Variants in FOXP1 observed in about 807,000 individuals in gnomAD.
FOXP1 encodes the protein forkhead box P1.
FOXP1 carries 15 observed loss-of-function variants against 98.2 expected under a neutral mutation model. That is an observed-to-expected ratio of 0.15 (90% CI 0.10 to 0.24). The LOEUF (loss-of-function observed/expected upper bound fraction) is 0.24, where lower values mean the gene tolerates loss of function less well. Ranked by LOEUF, FOXP1 falls within the 10% of genes least tolerant of loss-of-function variation. FOXP1 has a pLI of 1.00. For synonymous variants in FOXP1, 371 were observed against 314.5 expected, an observed-to-expected ratio of 1.18 and a Z score of -1.90; for missense variants, 633 against 848.5, an observed-to-expected ratio of 0.75 and a Z score of 3.15.
At chr3:71,155,259 C>T (rs2060764946) in intron 6 of FOXP1, among the ~76,000 whole-genome samples, 1 of 152,116 alleles carries the variant, frequency 6.6e-6, no homozygotes, top group African/African-American at 2.4e-5. Context: ...GCTCGGGTGC[C>T]CTCTGAAACA....
At chr3:71,181,057 A>G (rs1347462213) in intron 6 of FOXP1, among the ~76,000 whole-genome samples, 2 of 152,324 alleles carry the variant, frequency 1.3e-5, no homozygotes, top group East Asian at 3.9e-4. Flanking sequence ...TTGCCTGTCA[A>G]ATAAGAATTC....
intron 3 of FOXP1, among the ~76,000 whole-genome samples, chr3:71,411,245 CTTG>C (rs1245649790): frequency 6.6e-6 from 1 of 151,416 alleles, no homozygotes; most frequent in East Asian, 1.9e-4. Context: ...AGTGGACAAA[CTTG>C]TTGTGGACTT....
At chr3:71,110,007 C>T (rs913194327) in intron 7 of FOXP1, among the ~76,000 whole-genome samples, 3 of 152,160 alleles carry the variant, frequency 2.0e-5, no homozygotes, top group African/African-American at 7.2e-5. Context: ...ATTACCCCTT[C>T]TCCCCCTACT....
chr3:71,561,125 C>T (rs1220889228), intron 2 of FOXP1, among the ~76,000 whole-genome samples: 1 of 151,976 alleles, frequency 6.6e-6, no homozygotes, highest in South Asian at 2.1e-4. Context: ...GGCACGATCT[C>T]GGCTCACTGC....
At chr3:71,193,255 C>T (rs1278496102) in intron 6 of FOXP1, among the ~76,000 whole-genome samples, 1 of 129,714 alleles carries the variant, frequency 7.7e-6, no homozygotes, top group Admixed American at 7.7e-5. Context: ...TCACGCCATT[C>T]TCCTACCTCA....
chr3:71,305,018 A>G (rs2074157726), intron 4 of FOXP1, among the ~76,000 whole-genome samples: 1 of 152,162 alleles, frequency 6.6e-6, no homozygotes, highest in Non-Finnish European at 1.5e-5. Context: ...GTGGCAACTT[A>G]TTTTTGAAAT....
chr3:70,989,719 G>A (rs1448079895), intron 13 of FOXP1, among the ~76,000 whole-genome samples: 1 of 152,104 alleles, frequency 6.6e-6, no homozygotes. Flanking sequence ...AAAACAAGCA[G>A]TAGTCTGTCA....
At chr3:71,252,185 T>C (rs1452492999) in intron 5 of FOXP1, among the ~76,000 whole-genome samples, 1 of 152,194 alleles carries the variant, frequency 6.6e-6, no homozygotes, top group African/African-American at 2.4e-5. Context: ...AATGCAACCA[T>C]GTAGGAAAGT....
intron 5 of FOXP1, among the ~76,000 whole-genome samples, chr3:71,247,027 A>T (rs191976752): frequency 6.6e-6 from 1 of 152,230 alleles, no homozygotes; most frequent in Admixed American, 6.5e-5. Flanking sequence ...AGCTCTCAGC[A>T]TAAGTGTTTT....
At chr3:71,036,089 T>C (rs868155494) in intron 11 of FOXP1, among the ~76,000 whole-genome samples, 3 of 152,278 alleles carry the variant, frequency 2.0e-5, no homozygotes, top group Middle Eastern at 3.4e-3. Flanking sequence ...GTCAAATACA[T>C]GGCAACATGT....
chr3:71,251,889 A>G (rs73839466), intron 5 of FOXP1, among the ~76,000 whole-genome samples: 3,429 of 152,224 alleles, frequency 0.023, 112 homozygotes, highest in African/African-American at 0.077. Flanking sequence ...GGCACACACT[A>G]CCGGATGGCA....
At chr3:71,048,288 A>C (rs2049321681) in intron 9 of FOXP1, among the ~76,000 whole-genome samples, 1 of 152,238 alleles carries the variant, frequency 6.6e-6, no homozygotes, top group South Asian at 2.1e-4. Flanking sequence ...ACTATACTTT[A>C]CAAACAACTG....
intron 3 of FOXP1, among the ~76,000 whole-genome samples, chr3:71,368,040 C>A (rs534536226): frequency 1.3e-5 from 2 of 152,356 alleles, no homozygotes; most frequent in African/African-American, 4.8e-5. Context: ...CATGCTACAG[C>A]TGGACCCTCG....
rs1292654269 is a variant in FOXP1 at position 70,958,910 on chromosome 3, C to G, written c.*337G>C. 5 of 422,768 alleles carry G rather than the reference C, an allele frequency of 1.2e-5. No individual in the cohort carries two copies. The East Asian group carries it at 2.1e-4, about 18-fold the overall frequency. The allele number at this position is 422,768 out of a possible 1,614,324, so 26.2% of individuals were successfully genotyped here. ...TCCTCAGTGTCCAACGTTGGCAGGA[C>G]TGCAGTTCAAAGTCTGCTGCTAAAA... On this transcript the variant is annotated 3_prime_UTR_variant, in exon 21 of 21. Transcript: ENST00000649528.
intron 2 of FOXP1, among the ~76,000 whole-genome samples, chr3:71,539,167 A>G (rs2044570965): frequency 1.3e-5 from 2 of 149,088 alleles, no homozygotes; most frequent in South Asian, 2.1e-4. Context: ...GCTGGGGTGC[A>G]GTGGCGCAAT....
At chr3:71,435,046 A>T (rs985310341) in intron 3 of FOXP1, among the ~76,000 whole-genome samples, 9 of 151,354 alleles carry the variant, frequency 5.9e-5, no homozygotes, top group Admixed American at 1.3e-4. Context: ...TCTTAAACTG[A>T]TAATTAACAC....
intron 4 of FOXP1, among the ~76,000 whole-genome samples, chr3:71,341,975 C>T (rs928980289): frequency 3.3e-5 from 5 of 152,170 alleles, no homozygotes; most frequent in African/African-American, 1.2e-4. Context: ...GATCACATAA[C>T]AAGTTAGCCA....
At chr3:71,448,092 T>C (rs1166721259) in intron 3 of FOXP1, among the ~76,000 whole-genome samples, 5 of 152,136 alleles carry the variant, frequency 3.3e-5, no homozygotes, top group Non-Finnish European at 7.4e-5. Context: ...TGCCGAGGAA[T>C]GTGAATGTTG....
intron 6 of FOXP1, among the ~76,000 whole-genome samples, chr3:71,157,965 G>A (rs1389561975): frequency 6.6e-6 from 1 of 151,768 alleles, no homozygotes; most frequent in African/African-American, 2.4e-5. Context: ...GTGTGTGCCT[G>A]TAGTCCCAGC....
Sources: gnomAD v4.1 joint callset for allele counts (sites outside exome capture counted in the v4.1 genomes callset) on GRCh38, gnomAD v4.1.1 for gene constraint, MANE v1.5 for transcripts, NCBI Gene and HGNC (gene_info 2026-07-23, HGNC 2026-07-21) for gene names.